ANKRD62: variants seen among roughly 807,000 people sequenced by gnomAD.
ANKRD62 encodes ankyrin repeat domain 62.
ANKRD62 carries 61 observed loss-of-function variants against 98.8 expected under a neutral mutation model. That is an observed-to-expected ratio of 0.62 (90% CI 0.50 to 0.76). ANKRD62 has a LOEUF of 0.76. ANKRD62 is among the 30% of genes least tolerant of loss of function. The pLI is 0.00. For missense variants in ANKRD62, 933 were observed against 1,082.9 expected (o/e 0.86, Z 1.94); for synonymous variants, 341 against 367.9 (o/e 0.93, Z 0.84).
chr18:12,116,499 G>A (rs1909668687), intron 10 of ANKRD62, among the ~76,000 whole-genome samples: 1 of 152,084 alleles, frequency 6.6e-6, no homozygotes, highest in Non-Finnish European at 1.5e-5. Flanking sequence ...AGTATTTTGT[G>A]TTTAGACTTG....
At chr18:12,099,049 A>G (rs1380237484) in intron 5 of ANKRD62, among the ~76,000 whole-genome samples, 1 of 152,268 alleles carries the variant, frequency 6.6e-6, no homozygotes, top group African/African-American at 2.4e-5. Flanking sequence ...CTGAATCATA[A>G]GCTACAAATA....
rs1909639856 is a variant in ANKRD62 at position 12,115,387 on chromosome 18, T to G, written c.1099-6T>G. 6.5e-7 allele frequency: 1 copy of G among 1,528,780 alleles called. No individual in the cohort carries two copies. The highest frequency in any genetic ancestry group is 8.7e-7 in the Non-Finnish European group (1 of 1,143,088). The allele number at this position is 1,528,780 out of a possible 1,614,324, so 94.7% of individuals were successfully genotyped here. On this transcript the variant is annotated splice_region_variant and splice_polypyrimidine_tract_variant and intron_variant, in intron 9 of 13. Transcript: ENST00000587848. Reference sequence around the variant, plus strand: ...GCATTTTGAAACAGTGTTATTTATTTTATAGGTTAAAAGCCAAATATATTT... The same window carrying G: ...GCATTTTGAAACAGTGTTATTTATTGTATAGGTTAAAAGCCAAATATATTT...
chr18:12,145,838 T>A, the ANKRD62 span, among the ~76,000 whole-genome samples: 1 of 151,954 alleles, frequency 6.6e-6, no homozygotes, highest in East Asian at 1.9e-4. Context: ...CCAGGCTGCT[T>A]TCTTAAGCAT....
At chr18:12,105,181 G>A (rs544303103) in intron 7 of ANKRD62, among the ~76,000 whole-genome samples, 10 of 152,150 alleles carry the variant, frequency 6.6e-5, no homozygotes, top group East Asian at 1.9e-4. Flanking sequence ...AAGAAAAAGC[G>A]TAGTGTTTCT....
chr18:12,109,311 CCACATGG>C (rs769171506), intron 8 of ANKRD62, among the ~76,000 whole-genome samples: 1 of 152,202 alleles, frequency 6.6e-6, no homozygotes, highest in Non-Finnish European at 1.5e-5. Flanking sequence ...AGGCCCAACA[CCACATGG>C]ATGCTGCCAA....
In ANKRD62 at chr18:12,122,326, A is replaced by G. The variant is rs1468196491; in HGVS notation, c.1264A>G (p.Lys422Glu). The change falls in exon 11 of 14, where the codon AAG (lysine) becomes GAG (glutamate). Residue 422 changes from lysine to glutamate, a missense_variant. By Grantham distance (56) the Lys-to-Glu change is moderately conservative (BLOSUM62 1). Coordinates refer to ENST00000587848, the MANE Select transcript of ANKRD62 (RefSeq NM_001277333.2). ...AGATTTTGTTAGCCTATCGAAAAGC[A>G]AGAATGCAACAGCTGCATGTGGAAG... ...CKDFVSLSKS[K>E]NATAACGRSI... 5.2e-6 allele frequency: 8 copies of G among 1,534,948 alleles called. No individual in the cohort carries two copies. The highest frequency in any genetic ancestry group is 7.0e-6 in the Non-Finnish European group (8 of 1,146,548).
chr18:12,105,322 C>T (rs1909389562), intron 7 of ANKRD62, among the ~76,000 whole-genome samples: 1 of 152,196 alleles, frequency 6.6e-6, no homozygotes, highest in South Asian at 2.1e-4. Context: ...TTCTTCTCCA[C>T]CACACAGTGA....
chr18:12,102,321 A>G (rs1909318360), intron 6 of ANKRD62: 2 of 706,116 alleles, frequency 2.8e-6, no homozygotes, highest in Admixed American at 1.9e-5. Context: ...GCTTGGTGAC[A>G]AGCCAATGTA....
chr18:12,101,959 C>T (rs1909308877), intron 6 of ANKRD62: 1 of 910,114 alleles, frequency 1.1e-6, no homozygotes. Flanking sequence ...AAGAGGCATA[C>T]ATCAGTTCTT....
At chr18:12,108,576 T>C (rs956906605) in intron 8 of ANKRD62, among the ~76,000 whole-genome samples, 2 of 152,216 alleles carry the variant, frequency 1.3e-5, no homozygotes, top group South Asian at 4.1e-4. Flanking sequence ...CCCTGGCCCC[T>C]TTCAAATCTC....
intron 7 of ANKRD62, among the ~76,000 whole-genome samples, chr18:12,104,067 G>T (rs1157054790): frequency 3.3e-5 from 5 of 151,992 alleles, no homozygotes; most frequent in African/African-American, 9.7e-5. Flanking sequence ...GCACTATTGG[G>T]TATCAGTATT....
intron 11 of ANKRD62, among the ~76,000 whole-genome samples, 177 bp downstream of exon 11, chr18:12,122,693 AT>A (rs1568065268): frequency 1.3e-5 from 2 of 152,224 alleles, no homozygotes; most frequent in African/African-American, 2.4e-5. Flanking sequence ...TACTTCTCTA[AT>A]AATTAATTGC....
chr18:12,172,514 T>C, the ANKRD62 span, among the ~76,000 whole-genome samples: 8 of 152,152 alleles, frequency 5.3e-5, no homozygotes, highest in African/African-American at 1.9e-4. Context: ...CACCCTGCCA[T>C]ATGAGGTGTC....
the ANKRD62 span, among the ~76,000 whole-genome samples, chr18:12,170,550 C>T: frequency 2.0e-5 from 3 of 152,100 alleles, no homozygotes; most frequent in Non-Finnish European, 2.9e-5. Context: ...TTACTTCCAA[C>T]TATGTGGTCA....
At chr18:12,164,674 T>C in the ANKRD62 span, among the ~76,000 whole-genome samples, 3 of 152,000 alleles carry the variant, frequency 2.0e-5, no homozygotes, top group African/African-American at 7.2e-5. Context: ...GGTTTTAATA[T>C]GTTATGTTTT....
At chr18:12,171,359 C>T in the ANKRD62 span, among the ~76,000 whole-genome samples, 2 of 152,296 alleles carry the variant, frequency 1.3e-5, no homozygotes, top group Non-Finnish European at 2.9e-5. Flanking sequence ...TCAGCATTTG[C>T]TTCTCTGTAA....
At chr18:12,178,544 C>T in the ANKRD62 span, among the ~76,000 whole-genome samples, 1 of 148,890 alleles carries the variant, frequency 6.7e-6, no homozygotes, top group East Asian at 2.0e-4. Context: ...ATGTGGCCCA[C>T]AATATGAAAT....
intron 4 of ANKRD62, among the ~76,000 whole-genome samples, chr18:12,097,146 G>A (rs902930812): frequency 6.6e-6 from 1 of 152,086 alleles, no homozygotes; most frequent in African/African-American, 2.4e-5. Flanking sequence ...AGTAATATAT[G>A]TATATATGGC....
chr18:12,145,733 C>T, the ANKRD62 span, among the ~76,000 whole-genome samples: 2 of 152,120 alleles, frequency 1.3e-5, no homozygotes, highest in African/African-American at 4.8e-5. Flanking sequence ...GGTGGCTTAG[C>T]CATTCCAGCC....
Sources: gnomAD v4.1 joint callset for allele counts (sites outside exome capture counted in the v4.1 genomes callset) on GRCh38, gnomAD v4.1.1 for gene constraint, MANE v1.5 for transcripts, NCBI Gene and HGNC (gene_info 2026-07-23, HGNC 2026-07-21) for gene names.